The following TMEM132C variants were observed in gnomAD, a reference collection of about 807,000 sequenced individuals.
TMEM132C encodes the protein transmembrane protein 132C, also known as protein phosphatase 1, regulatory subunit 152.
Under a neutral mutation model 61.4 loss-of-function variants are expected in TMEM132C, and 29 were observed. The ratio of observed to expected loss-of-function variants is 0.47; its 90% CI spans 0.35 to 0.64. The LOEUF (loss-of-function observed/expected upper bound fraction) is 0.64, where lower values mean the gene tolerates loss of function less well. TMEM132C is among the 30% of genes least tolerant of loss of function. The pLI, the probability that TMEM132C is intolerant of heterozygous loss-of-function variation, is 0.00. For missense variants in TMEM132C, 1,408 were observed against 1,476.9 expected (o/e 0.95, Z 0.76); for synonymous variants, 656 against 633.1 (o/e 1.04, Z -0.54).
intron 4 of TMEM132C, among the ~76,000 whole-genome samples, chr12:128,636,383 G>A (rs1325821321): frequency 2.0e-5 from 3 of 151,998 alleles, no homozygotes; most frequent in African/African-American, 4.8e-5. Flanking sequence ...ACTTTATTGA[G>A]GTATAATTGA....
In TMEM132C at chr12:128,706,643, A is replaced by C. The variant is rs1954843181; in HGVS notation, c.*348A>C. ...GTTAAAAAATGCAACAAGACAAATA[A>C]AAAGAGAAATAATCATCTGTTTATA... On this transcript the variant is annotated 3_prime_UTR_variant, in exon 9 of 9. Coordinates refer to ENST00000435159, the MANE Select transcript of TMEM132C (RefSeq NM_001136103.3). The C allele has an allele frequency of 5.3e-6, 1 of 189,670 alleles. No individual in the cohort carries two copies. Among genetic ancestry groups the C allele is most frequent in the Non-Finnish European group, 1.1e-5 (1 of 93,174 alleles). The allele number at this position is 189,670 out of a possible 1,614,324, so 11.7% of individuals were successfully genotyped here.
intron 2 of TMEM132C, among the ~76,000 whole-genome samples, chr12:128,540,926 T>G (rs1440263461): frequency 7.5e-6 from 1 of 132,500 alleles, no homozygotes; most frequent in Admixed American, 7.0e-5. Flanking sequence ...TCTGTCTGTC[T>G]GTTTCTCTCT....
intron 1 of TMEM132C, among the ~76,000 whole-genome samples, chr12:128,340,149 A>G (rs903375946): frequency 4.6e-5 from 7 of 152,184 alleles, no homozygotes; most frequent in African/African-American, 1.7e-4. Flanking sequence ...CTCTGTGGAA[A>G]GTATGGGGAT....
Position 128,568,151 on chromosome 12 carries a change from C to T in TMEM132C, c.1121+24048C>T, listed in dbSNP as rs868178547. On this transcript the variant is annotated intron_variant, in intron 3 of 8. Coordinates refer to ENST00000435159, the MANE Select transcript of TMEM132C (RefSeq NM_001136103.3). ...CATTTACTAAACAGTGTGATTGCTT[C>T]GTTTCTTTTCAAAAACACCTCTTAA... Among the ~76,000 whole-genome samples the T allele has an allele frequency of 5.9e-5, 9 of 152,164 alleles. No homozygotes were observed. The South Asian group carries it at 8.3e-4, about 14-fold the overall frequency.
At chr12:128,698,388 C>A (rs139474730) in intron 8 of TMEM132C, among the ~76,000 whole-genome samples, 1 of 152,180 alleles carries the variant, frequency 6.6e-6, no homozygotes, top group East Asian at 1.9e-4. Context: ...GCTTCTGATG[C>A]CATCATTAGA....
Position 128,706,571 on chromosome 12 carries a change from AT to A in TMEM132C, c.*280del. ...CTGCACAGGCAAAATTAGGAAGGTTATTTTATGAGTCAAAACATACTACAGA... is the reference window on the plus strand; with the variant it reads ...CTGCACAGGCAAAATTAGGAAGGTTATTTATGAGTCAAAACATACTACAGA... On this transcript the variant is annotated 3_prime_UTR_variant, in exon 9 of 9. Coordinates refer to ENST00000435159, the MANE Select transcript of TMEM132C (RefSeq NM_001136103.3). 3.0e-6 allele frequency: 1 copy of A among 333,100 alleles called. No homozygotes were observed. Among genetic ancestry groups the A allele is most frequent in the Non-Finnish European group, 5.4e-6 (1 of 183,988 alleles). The allele number at this position is 333,100 out of a possible 1,614,324, so 20.6% of individuals were successfully genotyped here.
At chr12:128,372,519 G>T (rs1398072815) in intron 1 of TMEM132C, among the ~76,000 whole-genome samples, 2 of 151,880 alleles carry the variant, frequency 1.3e-5, no homozygotes, top group Non-Finnish European at 2.9e-5. Flanking sequence ...ATATAGAAGT[G>T]GTCTTTCTTA....
chr12:128,294,203 A>T (rs1271493075), intron 1 of TMEM132C: 1 of 154,566 alleles, frequency 6.5e-6, no homozygotes, highest in East Asian at 1.9e-4. Context: ...TGAACCGCCC[A>T]TGGGAAGGTG....
chr12:128,530,074 G>C (rs1237706529), intron 2 of TMEM132C, among the ~76,000 whole-genome samples: 1 of 148,410 alleles, frequency 6.7e-6, no homozygotes, highest in African/African-American at 2.5e-5. Context: ...AGCCTCCTAG[G>C]ACATGGAGTA....
At chr12:128,690,298 T>C (rs1234320708) in intron 5 of TMEM132C, among the ~76,000 whole-genome samples, 1 of 152,204 alleles carries the variant, frequency 6.6e-6, no homozygotes, top group Non-Finnish European at 1.5e-5. Flanking sequence ...GCCGAGGGAC[T>C]AAAAAGACTC....
At chr12:128,280,318 G>A (rs1870847942) in intron 1 of TMEM132C, among the ~76,000 whole-genome samples, 3 of 152,074 alleles carry the variant, frequency 2.0e-5, no homozygotes, top group African/African-American at 4.8e-5. Context: ...TCAAGTCGCC[G>A]ACTTTATTTC....
chr12:128,402,347 A>T lies in TMEM132C; in HGVS notation c.86-12385A>T, dbSNP rs542966756. On this transcript the variant is annotated intron_variant, in intron 1 of 8. Transcript: ENST00000435159. ...TTATAGATTAGTTCATCACCCAGGT[A>T]TTAAGCCCAGTATCCATTAGTAACT... Among the ~76,000 whole-genome samples, 5 of 152,254 alleles carry T rather than the reference A, an allele frequency of 3.3e-5. No individual in the cohort carries two copies. In the South Asian group the frequency reaches 1.0e-3, roughly 32 times the overall value.
intron 4 of TMEM132C, among the ~76,000 whole-genome samples, chr12:128,619,233 A>C (rs1248820359): frequency 1.3e-5 from 2 of 152,230 alleles, no homozygotes; most frequent in East Asian, 3.8e-4. Context: ...AAACTTCAGA[A>C]AGGTGAAACA....
intron 3 of TMEM132C, among the ~76,000 whole-genome samples, chr12:128,572,883 A>G (rs979791762): frequency 6.6e-6 from 1 of 152,270 alleles, no homozygotes; most frequent in Non-Finnish European, 1.5e-5. Flanking sequence ...AGAGAAATGC[A>G]AATCAAAACC....
intron 3 of TMEM132C, among the ~76,000 whole-genome samples, chr12:128,590,340 A>G (rs1875707300): frequency 6.6e-6 from 1 of 152,272 alleles, no homozygotes; most frequent in South Asian, 2.1e-4. Context: ...CTCGAAAGTT[A>G]GCAACTGGGT....
intron 1 of TMEM132C, among the ~76,000 whole-genome samples, chr12:128,344,042 T>G (rs1380896184): frequency 3.3e-5 from 5 of 152,278 alleles, no homozygotes; most frequent in Admixed American, 2.6e-4. Context: ...GTTTATCCAT[T>G]CATTCGTTGA....
chr12:128,679,682 A>G lies in TMEM132C; in HGVS notation c.1449+10122A>G, dbSNP rs180860057. 1.2e-4 allele frequency among the ~76,000 whole-genome samples: 18 copies of G among 152,296 alleles called. 1 individual carries two copies. The East Asian group carries it at 3.3e-3, about 28-fold the overall frequency. ...TGATTTCCTCATTCTCTTCACGGATATTTATTGAGCACGTACTATGCTCTG... is the reference window on the plus strand; with the variant it reads ...TGATTTCCTCATTCTCTTCACGGATGTTTATTGAGCACGTACTATGCTCTG... On this transcript the variant is annotated intron_variant, in intron 5 of 8. Transcript: ENST00000435159.
In TMEM132C at chr12:128,705,760, T is replaced by C; in HGVS notation, c.2792T>C (p.Leu931Pro). ...CTGGAGATAGGGATGTACGCCCTCC[T>C]GGGGGTGTTCTGCCTGGCCATCCTC... ...SDLEIGMYAL[L>P]GVFCLAILVF... The change falls in exon 9 of 9, where the codon CTG becomes CCG. Residue 931 changes from leucine to proline, a missense_variant. Leu to Pro is a moderately conservative substitution (Grantham distance 98). Transcript: ENST00000435159. 6.4e-7 allele frequency: 1 copy of C among 1,551,486 alleles called. No individual in the cohort carries two copies. The highest frequency in any genetic ancestry group is 8.7e-7 in the Non-Finnish European group (1 of 1,147,010).
intron 3 of TMEM132C, among the ~76,000 whole-genome samples, chr12:128,603,916 G>A (rs930127603): frequency 6.6e-6 from 1 of 152,202 alleles, no homozygotes; most frequent in Non-Finnish European, 1.5e-5. Flanking sequence ...TTGTGGTCAG[G>A]ACAGGGAAGA....
Sources: gnomAD v4.1 joint callset for allele counts (sites outside exome capture counted in the v4.1 genomes callset) on GRCh38, gnomAD v4.1.1 for gene constraint, MANE v1.5 for transcripts, NCBI Gene and HGNC (gene_info 2026-07-23, HGNC 2026-07-21) for gene names.